The following IBTK variants were observed in gnomAD, a reference collection of about 807,000 sequenced individuals.
The protein encoded by IBTK is inhibitor of Bruton tyrosine kinase.
Under a neutral mutation model 154.9 loss-of-function variants are expected in IBTK, and 83 were observed. That is an observed-to-expected ratio of 0.54 (90% confidence interval 0.45 to 0.64). The LOEUF (loss-of-function observed/expected upper bound fraction) is 0.64. Ranked by LOEUF, IBTK falls within the 30% of genes least tolerant of loss-of-function variation. The pLI, the probability that IBTK is intolerant of heterozygous loss-of-function variation, is 0.00. For missense variants in IBTK, 1,332 were observed against 1,584.6 expected (o/e 0.84, Z 2.71); for synonymous variants, 515 against 536.1 (o/e 0.96, Z 0.54).
At chr6:82,241,879 AT>A (rs1770967138) in intron 1 of IBTK, among the ~76,000 whole-genome samples, 1 of 152,244 alleles carries the variant, frequency 6.6e-6, no homozygotes, top group Non-Finnish European at 1.5e-5. Flanking sequence ...GAAAGCTTCT[AT>A]GCATCAGAGG....
At chr6:82,173,733 G>A (rs941226843) in intron 26 of IBTK, among the ~76,000 whole-genome samples, 9 of 141,332 alleles carry the variant, frequency 6.4e-5, no homozygotes, top group East Asian at 2.0e-4. Flanking sequence ...ATTAACAGCC[G>A]AATTTTGTAA....
chr6:82,177,567 C>T (rs6902282), intron 26 of IBTK, among the ~76,000 whole-genome samples: 35,236 of 151,838 alleles, frequency 0.23, 4,091 homozygotes, highest in Admixed American at 0.25. Context: ...CATGTGCCAC[C>T]CCTGGCCCGG....
At chr6:82,209,255 C>T (rs1769535487) in intron 16 of IBTK, among the ~76,000 whole-genome samples, 1 of 152,038 alleles carries the variant, frequency 6.6e-6, no homozygotes. Flanking sequence ...TAGGCCCACG[C>T]AAAAACTTAG....
chr6:82,227,332 C>A, intron 4 of IBTK, 30 bp from the exon 5 acceptor site: 4 of 1,276,304 alleles, frequency 3.1e-6, no homozygotes, highest in Non-Finnish European at 4.5e-6. Context: ...TATTATTAAA[C>A]TTCTCTGAAT....
chr6:82,221,490 T>A (rs1464647053), intron 8 of IBTK, among the ~76,000 whole-genome samples: 1 of 152,240 alleles, frequency 6.6e-6, no homozygotes, highest in Non-Finnish European at 1.5e-5. Context: ...AAATCATCTG[T>A]ACTGCTATTC....
chr6:82,181,471 T>A (rs1768315329), intron 26 of IBTK, among the ~76,000 whole-genome samples: 1 of 152,120 alleles, frequency 6.6e-6, no homozygotes, highest in Non-Finnish European at 1.5e-5. Context: ...GATATAAAAC[T>A]CTAAAATGTA....
intron 2 of IBTK, among the ~76,000 whole-genome samples, chr6:82,237,194 G>C (rs1770748080): frequency 6.6e-6 from 1 of 151,950 alleles, no homozygotes; most frequent in African/African-American, 2.4e-5. Context: ...CCCAAACCCA[G>C]GGACCTTCTC....
intron 5 of IBTK, among the ~76,000 whole-genome samples, chr6:82,226,726 T>A (rs550460448): frequency 6.6e-6 from 1 of 152,118 alleles, no homozygotes; most frequent in Admixed American, 6.5e-5. Context: ...CCTGCCTCAG[T>A]CTTCCAAGTA....
In IBTK at chr6:82,200,659, T is replaced by G; in HGVS notation, c.2840A>C (p.Asp947Ala). The G allele has an allele frequency of 6.3e-7, 1 of 1,599,206 alleles. No individual in the cohort carries two copies. Among genetic ancestry groups the G allele is most frequent in the Non-Finnish European group, 8.5e-7 (1 of 1,174,264 alleles). Residue 947 changes from aspartate (D) to alanine (A), a missense_variant, in exon 20 of 29, where the codon GAT becomes GCT. Asp to Ala is a moderately radical substitution (Grantham distance 126). Coordinates refer to ENST00000306270, the MANE Select transcript of IBTK (RefSeq NM_015525.4). ...ATCTTCTACTTCCAAATAGCTAATA[T>G]CTGGTCCATCTTGATATGGTGTAAT... ...RVITPYQDGP[D>A]ISYLEVEDGD...
chr6:82,217,913 G>T, intron 10 of IBTK, 47 bp downstream of exon 10: 1 of 1,259,848 alleles, frequency 7.9e-7, no homozygotes, highest in Non-Finnish European at 1.1e-6. Context: ...TCAAATTAAA[G>T]GATAATTGAA....
In IBTK at chr6:82,171,296, TAAAGA is replaced by T. The variant is rs1396780678; in HGVS notation, c.*124_*128del. 4 of 644,880 alleles carry T rather than the reference TAAAGA, an allele frequency of 6.2e-6. No homozygotes were observed. The highest frequency in any genetic ancestry group is 9.9e-6 in the Non-Finnish European group (4 of 403,308). The allele number at this position is 644,880 out of a possible 1,614,324, so 39.9% of individuals were successfully genotyped here. A position where few individuals can be genotyped will look rare whatever the true frequency, so the allele number is the denominator to read the frequency against. On this transcript the variant is annotated 3_prime_UTR_variant, in exon 29 of 29. Coordinates refer to ENST00000306270, the MANE Select transcript of IBTK (RefSeq NM_015525.4). ...CAAACATTATATGATTTAACTGCAG[TAAAGA>T]AATTATATCTTTTCTTAATCTATTT...
At chr6:82,244,247 T>C (rs561056990) in intron 1 of IBTK, among the ~76,000 whole-genome samples, 1 of 152,346 alleles carries the variant, frequency 6.6e-6, no homozygotes, top group East Asian at 1.9e-4. Flanking sequence ...AGGTAATACA[T>C]TTTAACTCCA....
chr6:82,241,453 C>A (rs964039840), intron 1 of IBTK, among the ~76,000 whole-genome samples: 35 of 152,132 alleles, frequency 2.3e-4, no homozygotes, highest in Admixed American at 2.2e-3. Context: ...TCCTTCATCA[C>A]ATGAAGAGAT....
At chr6:82,226,692 C>T (rs1443378131) in intron 5 of IBTK, among the ~76,000 whole-genome samples, 9 of 151,928 alleles carry the variant, frequency 5.9e-5, no homozygotes, top group African/African-American at 1.9e-4. Flanking sequence ...CCGCAACCTC[C>T]GCCTCCCAGG....
chr6:82,188,228 G>A (rs962232316), intron 25 of IBTK, among the ~76,000 whole-genome samples: 1 of 152,032 alleles, frequency 6.6e-6, no homozygotes, highest in African/African-American at 2.4e-5. Context: ...TCAATAAATT[G>A]ACAAAATGAA....
At chr6:82,213,072 G>C (rs1042083230) in intron 12 of IBTK, among the ~76,000 whole-genome samples, 6 of 151,638 alleles carry the variant, frequency 4.0e-5, no homozygotes, top group Admixed American at 2.6e-4. Flanking sequence ...CTGTTGCCCA[G>C]GCTAGAGTGT....
At chr6:82,218,827 CTCA>C (rs1224988661) in intron 9 of IBTK, among the ~76,000 whole-genome samples, 1 of 152,108 alleles carries the variant, frequency 6.6e-6, no homozygotes, top group Admixed American at 6.5e-5. Flanking sequence ...GTCCAATTCC[CTCA>C]TAATCAAGTT....
At chr6:82,232,819 T>C (rs1284549625) in intron 3 of IBTK, among the ~76,000 whole-genome samples, 1 of 151,950 alleles carries the variant, frequency 6.6e-6, no homozygotes, top group Non-Finnish European at 1.5e-5. Context: ...AGTTCCAGAT[T>C]ACCCTGGTCA....
chr6:82,202,678 T>A (rs1159497141), intron 17 of IBTK, 33 bp from the exon 18 acceptor site: 2 of 1,156,106 alleles, frequency 1.7e-6, no homozygotes, highest in Non-Finnish European at 2.5e-6. Flanking sequence ...CAAAATTAGA[T>A]AAAAGGCACA....
Sources: allele counts gnomAD v4.1 joint callset (sites outside exome capture counted in the v4.1 genomes callset), GRCh38; gene constraint gnomAD v4.1.1; transcripts MANE v1.5; gene names NCBI Gene and HGNC (gene_info 2026-07-23, HGNC 2026-07-21).